Variants in FNDC1 observed in about 807,000 individuals in gnomAD.
FNDC1 encodes fibronectin type III domain-containing protein 1.
FNDC1 carries 96 observed loss-of-function variants against 168.0 expected under a neutral mutation model. That is an observed-to-expected ratio of 0.57 (90% CI 0.48 to 0.68). The LOEUF (loss-of-function observed/expected upper bound fraction) is 0.68, where lower values mean the gene tolerates loss of function less well. Ranked by LOEUF, FNDC1 falls within the 30% of genes least tolerant of loss-of-function variation. The pLI, the probability that FNDC1 is intolerant of heterozygous loss-of-function variation, is 0.00. For synonymous variants in FNDC1, 1,099 were observed against 1,025.9 expected, an observed-to-expected ratio of 1.07 and a Z score of -1.36; for missense variants, 2,587 against 2,482.1, an observed-to-expected ratio of 1.04 and a Z score of -0.90.
intron 8 of FNDC1, 84 bp downstream of exon 8, chr6:159,225,806 G>T: frequency 7.9e-7 from 1 of 1,273,386 alleles, no homozygotes. Context: ...GATGCCAATA[G>T]TGACAAAGGC....
At chr6:159,194,062 G>T (rs1435014120) in intron 1 of FNDC1, among the ~76,000 whole-genome samples, 2 of 152,208 alleles carry the variant, frequency 1.3e-5, no homozygotes, top group Admixed American at 1.3e-4. Context: ...GTCATAGCAG[G>T]CTCTTACTGG....
At chr6:159,185,671 G>A (rs990121313) in intron 1 of FNDC1, among the ~76,000 whole-genome samples, 1 of 152,212 alleles carries the variant, frequency 6.6e-6, no homozygotes, top group Admixed American at 6.5e-5. Context: ...TAAAAAAGGA[G>A]GAAGGTACAA....
chr6:159,210,098 T>G (rs1341575972), intron 4 of FNDC1, among the ~76,000 whole-genome samples: 1 of 152,240 alleles, frequency 6.6e-6, no homozygotes, highest in Non-Finnish European at 1.5e-5. Flanking sequence ...CCAGCTTCTC[T>G]GTAAGCGGGG....
At chr6:159,202,843 C>A (rs886913540) in intron 4 of FNDC1, among the ~76,000 whole-genome samples, 10 of 152,200 alleles carry the variant, frequency 6.6e-5, no homozygotes, top group Admixed American at 1.3e-4. Context: ...CAAATATGCA[C>A]AAAATGTTGC....
At chr6:159,260,687 T>C (rs536407820) in intron 18 of FNDC1, among the ~76,000 whole-genome samples, 1 of 152,368 alleles carries the variant, frequency 6.6e-6, no homozygotes, top group South Asian at 2.1e-4. Context: ...GTTGCGTGGC[T>C]GCTGGAGCAA....
chr6:159,222,520 C>T (rs1222186195), intron 6 of FNDC1, among the ~76,000 whole-genome samples: 1 of 152,254 alleles, frequency 6.6e-6, no homozygotes. Flanking sequence ...AAACAAAAAA[C>T]TAAAACAAAC....
At chr6:159,175,604 A>G (rs1781745915) in intron 1 of FNDC1, among the ~76,000 whole-genome samples, 1 of 152,226 alleles carries the variant, frequency 6.6e-6, no homozygotes, top group African/African-American at 2.4e-5. Flanking sequence ...CAACAAGGCT[A>G]AACTTAAGAC....
chr6:159,202,412 A>G (rs1782161188), intron 4 of FNDC1, among the ~76,000 whole-genome samples: 1 of 152,256 alleles, frequency 6.6e-6, no homozygotes, highest in South Asian at 2.1e-4. Flanking sequence ...TTATTCCGAG[A>G]AATTGTTAAA....
chr6:159,252,665 C>T (rs1349552891), intron 17 of FNDC1, among the ~76,000 whole-genome samples: 5 of 152,138 alleles, frequency 3.3e-5, no homozygotes, highest in Non-Finnish European at 5.9e-5. Context: ...GAATGCAAAT[C>T]AATCAATGGA....
At chr6:159,267,332 A>T (rs1424928453) in intron 21 of FNDC1, among the ~76,000 whole-genome samples, 1 of 152,124 alleles carries the variant, frequency 6.6e-6, no homozygotes, top group Non-Finnish European at 1.5e-5. Flanking sequence ...ATTGGGAGAA[A>T]CAAGTTTGTC....
chr6:159,179,295 T>A (rs1209715549), intron 1 of FNDC1, among the ~76,000 whole-genome samples: 1 of 152,170 alleles, frequency 6.6e-6, no homozygotes, highest in African/African-American at 2.4e-5. Context: ...AAACCCTGTC[T>A]CTACTAAACA....
At chr6:159,253,353 C>A (rs184991850) in intron 17 of FNDC1, among the ~76,000 whole-genome samples, 3 of 152,326 alleles carry the variant, frequency 2.0e-5, no homozygotes, top group African/African-American at 7.2e-5. Flanking sequence ...GAACCAAACA[C>A]CGGCTCTTTC....
chr6:159,241,981 AT>A (rs1251034719), intron 14 of FNDC1, among the ~76,000 whole-genome samples: 2 of 152,118 alleles, frequency 1.3e-5, no homozygotes, highest in African/African-American at 4.8e-5. Context: ...TGAAAGTGGT[AT>A]TTTTTTGTGA....
At position 159,200,498 on chromosome 6, in the gene FNDC1, ATT is replaced by A; in HGVS notation, c.392-13_392-12del. ...TCCTCGTTTCTAACTATCAAGTTGCATTTCCCTAATTTAGGAGGTGAATGGAT... is the reference window on the plus strand; with the variant it reads ...TCCTCGTTTCTAACTATCAAGTTGCATCCCTAATTTAGGAGGTGAATGGAT... On this transcript the variant is annotated splice_polypyrimidine_tract_variant and intron_variant, in intron 3 of 22. Transcript: ENST00000297267. 3 of 1,588,020 alleles carry A rather than the reference ATT, an allele frequency of 1.9e-6. No individual in the cohort carries two copies. In the South Asian group the frequency reaches 3.5e-5, roughly 18 times the overall value.
At chr6:159,224,245 C>G (rs1001774783) in intron 7 of FNDC1, among the ~76,000 whole-genome samples, 2 of 152,144 alleles carry the variant, frequency 1.3e-5, no homozygotes, top group African/African-American at 4.8e-5. Flanking sequence ...CAATAAAAGG[C>G]AAACCAATCA....
chr6:159,248,455 G>A (rs766679918), intron 15 of FNDC1, among the ~76,000 whole-genome samples: 9 of 152,102 alleles, frequency 5.9e-5, no homozygotes, highest in South Asian at 4.2e-4. Flanking sequence ...ACAGGTGTGC[G>A]CCACCATGCC....
Position 159,221,532 on chromosome 6 carries a change from C to A in FNDC1, c.668-66C>A. ...GAGGAATGCAGAACCCCCGCTCCAG[C>A]CCCAGGGGATGTGTGTTCCTGAGAA... On this transcript the variant is annotated intron_variant, in intron 5 of 22. Coordinates refer to ENST00000297267, the MANE Select transcript of FNDC1 (RefSeq NM_032532.3). 6 of 1,287,020 alleles carry A rather than the reference C, an allele frequency of 4.7e-6. No homozygotes were observed. The South Asian group carries it at 6.0e-5, about 13-fold the overall frequency. 79.7% of individuals were successfully genotyped at this position (1,287,020 alleles called of 1,614,324 possible).
chr6:159,271,551 G>A lies in FNDC1; in HGVS notation c.*109G>A. ...CGTGCTCAGCCCCGCTGCCCTAGGT[G>A]CCAGGAAGGTCATAGATGGACACTG... On this transcript the variant is annotated 3_prime_UTR_variant, in exon 23 of 23. Coordinates refer to ENST00000297267, the MANE Select transcript of FNDC1 (RefSeq NM_032532.3). 3.7e-6 allele frequency: 3 copies of A among 802,956 alleles called. No individual in the cohort carries two copies. Among genetic ancestry groups the A allele is most frequent in the Non-Finnish European group, 6.3e-6 (3 of 477,762 alleles). The allele number at this position is 802,956 out of a possible 1,614,324, so 49.7% of individuals were successfully genotyped here. A position where few individuals can be genotyped will look rare whatever the true frequency, so the allele number is the denominator to read the frequency against.
intron 6 of FNDC1, among the ~76,000 whole-genome samples, 152 bp downstream of exon 6, chr6:159,221,848 G>A (rs911907971): frequency 3.3e-5 from 5 of 152,196 alleles, no homozygotes; most frequent in Admixed American, 6.5e-5. Context: ...GGGTGTAAGC[G>A]TGCTGCTTTT....
Sources: gnomAD v4.1 joint callset for allele counts (sites outside exome capture counted in the v4.1 genomes callset) on GRCh38, gnomAD v4.1.1 for gene constraint, MANE v1.5 for transcripts, NCBI Gene and HGNC (gene_info 2026-07-23, HGNC 2026-07-21) for gene names.